Variants in ADAMTSL1 observed in about 807,000 individuals in gnomAD.
The protein encoded by ADAMTSL1 is ADAMTS-like protein 1.
A neutral mutation model predicts 201.8 loss-of-function variants in ADAMTSL1; 126 were observed. That is an observed-to-expected ratio of 0.62 (90% CI 0.54 to 0.72). The LOEUF is 0.72. ADAMTSL1 is among the 30% of genes least tolerant of loss of function. The pLI is 0.00. For synonymous variants in ADAMTSL1, 1,121 were observed against 903.4 expected, an observed-to-expected ratio of 1.24 and a Z score of -4.32; for missense variants, 2,679 against 2,277.8, an observed-to-expected ratio of 1.18 and a Z score of -3.59.
intron 1 of ADAMTSL1, among the ~76,000 whole-genome samples, chr9:18,098,675 A>G (rs1824359276): frequency 6.6e-6 from 1 of 152,204 alleles, no homozygotes; most frequent in South Asian, 2.1e-4. Context: ...TTTCCTATCT[A>G]TAAGCCTTTT....
chr9:18,781,819 A>T (rs1441441734), intron 19 of ADAMTSL1, among the ~76,000 whole-genome samples: 1 of 152,242 alleles, frequency 6.6e-6, no homozygotes, highest in African/African-American at 2.4e-5. Context: ...ATGAGCCAGC[A>T]AGATAGGTCC....
chr9:18,301,254 G>A (rs1238238447), intron 2 of ADAMTSL1, among the ~76,000 whole-genome samples: 1 of 152,028 alleles, frequency 6.6e-6, no homozygotes, highest in East Asian at 1.9e-4. Context: ...AATGCGTCTT[G>A]GAATCAATGA....
At chr9:18,834,728 T>A (rs903328555) in intron 23 of ADAMTSL1, among the ~76,000 whole-genome samples, 2 of 152,194 alleles carry the variant, frequency 1.3e-5, no homozygotes, top group South Asian at 4.1e-4. Context: ...AGAAAAGGAC[T>A]AATGCCTTTG....
chr9:18,472,572 A>G (rs1821257930), upstream of ADAMTSL1, among the ~76,000 whole-genome samples: 1 of 152,260 alleles, frequency 6.6e-6, no homozygotes, highest in African/African-American at 2.4e-5. Context: ...TGAAGTAGGT[A>G]ACCTAAAGTT....
At chr9:18,374,468 G>C (rs905992057) in intron 2 of ADAMTSL1, among the ~76,000 whole-genome samples, 3 of 151,888 alleles carry the variant, frequency 2.0e-5, no homozygotes, top group African/African-American at 4.8e-5. Context: ...AAGTAGCTGG[G>C]AATACAGATT....
intron 2 of ADAMTSL1, among the ~76,000 whole-genome samples, chr9:18,430,748 C>T (rs992776654): frequency 5.9e-5 from 9 of 152,038 alleles, no homozygotes; most frequent in Non-Finnish European, 1.0e-4. Flanking sequence ...TGAGCTAGAA[C>T]GAAAATTGTA....
chr9:18,375,704 T>C (rs567774207), intron 2 of ADAMTSL1, among the ~76,000 whole-genome samples: 58 of 152,324 alleles, frequency 3.8e-4, no homozygotes, highest in African/African-American at 1.3e-3. Context: ...AGGTTTATTG[T>C]GGAGAGTGAA....
intron 2 of ADAMTSL1, among the ~76,000 whole-genome samples, chr9:18,437,641 T>G (rs915591282): frequency 1.3e-5 from 2 of 152,084 alleles, no homozygotes; most frequent in African/African-American, 4.8e-5. Context: ...AGATAACTTT[T>G]GAGAGTTAAA....
intron 2 of ADAMTSL1, among the ~76,000 whole-genome samples, chr9:18,528,883 C>T (rs1004708256): frequency 6.6e-6 from 1 of 151,976 alleles, no homozygotes; most frequent in African/African-American, 2.4e-5. Context: ...ATTTTGGACT[C>T]AAATTTCAAA....
chr9:18,526,909 G>T (rs1304698802), intron 2 of ADAMTSL1, among the ~76,000 whole-genome samples: 1 of 152,108 alleles, frequency 6.6e-6, no homozygotes, highest in East Asian at 1.9e-4. Flanking sequence ...GGATCCCTGG[G>T]GCTTGAATTG....
intron 2 of ADAMTSL1, among the ~76,000 whole-genome samples, chr9:18,294,192 T>G (rs1385001134): frequency 6.6e-6 from 1 of 152,192 alleles, no homozygotes; most frequent in Non-Finnish European, 1.5e-5. Flanking sequence ...CAGGTTGATG[T>G]GGAGTGGTTT....
At chr9:18,850,954 C>G (rs553231643) in intron 23 of ADAMTSL1, among the ~76,000 whole-genome samples, 1 of 152,140 alleles carries the variant, frequency 6.6e-6, no homozygotes, top group Non-Finnish European at 1.5e-5. Context: ...TGCAATGTGC[C>G]CAGTTTAGTG....
At chr9:18,835,541 A>G (rs886408464) in intron 23 of ADAMTSL1, among the ~76,000 whole-genome samples, 11 of 152,084 alleles carry the variant, frequency 7.2e-5, no homozygotes, top group African/African-American at 2.7e-4. Context: ...CAGGAGGTAC[A>G]CGTGCAGGTG....
intron 3 of ADAMTSL1, among the ~76,000 whole-genome samples, chr9:18,561,969 T>A (rs972799900): frequency 6.6e-6 from 1 of 152,208 alleles, no homozygotes; most frequent in African/African-American, 2.4e-5. Context: ...TCTTGACTCT[T>A]TATCCAGTTT....
intron 2 of ADAMTSL1, among the ~76,000 whole-genome samples, chr9:18,305,696 A>T (rs1350515271): frequency 1.3e-5 from 2 of 152,252 alleles, no homozygotes; most frequent in Non-Finnish European, 2.9e-5. Context: ...AAAGAAATGC[A>T]GCAGCCGCAG....
chr9:18,314,436 T>A (rs546952616), intron 2 of ADAMTSL1, among the ~76,000 whole-genome samples: 14 of 152,222 alleles, frequency 9.2e-5, no homozygotes, highest in Non-Finnish European at 2.9e-5. Context: ...GTTTGTGATC[T>A]CGCTGACTTC....
chr9:18,140,681 G>T (rs1164771728), intron 1 of ADAMTSL1, among the ~76,000 whole-genome samples: 2 of 152,192 alleles, frequency 1.3e-5, no homozygotes, highest in Admixed American at 1.3e-4. Flanking sequence ...TTCATCATCA[G>T]TTCTGAGAAT....
intron 23 of ADAMTSL1, among the ~76,000 whole-genome samples, chr9:18,867,339 T>A (rs111985659): frequency 6.6e-6 from 1 of 152,272 alleles, no homozygotes; most frequent in African/African-American, 2.4e-5. Flanking sequence ...GTACAGCAAT[T>A]GTTTTAAACT....
chr9:18,804,122 A>C (rs1270587194), intron 20 of ADAMTSL1, among the ~76,000 whole-genome samples: 1 of 152,152 alleles, frequency 6.6e-6, no homozygotes, highest in Admixed American at 6.5e-5. Context: ...AGTTCTATGA[A>C]TCTCTTGCAC....
Sources: gnomAD v4.1 joint callset for allele counts (sites outside exome capture counted in the v4.1 genomes callset) on GRCh38, gnomAD v4.1.1 for gene constraint, MANE v1.5 for transcripts, NCBI Gene and HGNC (gene_info 2026-07-23, HGNC 2026-07-21) for gene names.